TMEM94: variants seen among roughly 807,000 people sequenced by gnomAD.
TMEM94 encodes transmembrane protein 94.
A neutral mutation model predicts 158.6 loss-of-function variants in TMEM94; 81 were observed. The ratio of observed to expected loss-of-function variants is 0.51; its 90% CI spans 0.43 to 0.61. The LOEUF (loss-of-function observed/expected upper bound fraction) is 0.61, where lower values mean the gene tolerates loss of function less well. Ranked by LOEUF, TMEM94 falls within the 20% of genes least tolerant of loss-of-function variation. The pLI is 0.00. For synonymous variants in TMEM94, 751 were observed against 730.7 expected, an observed-to-expected ratio of 1.03 and a Z score of -0.45; for missense variants, 1,435 against 1,762.0, an observed-to-expected ratio of 0.81 and a Z score of 3.32.
intron 26 of TMEM94, 119 bp downstream of exon 26, chr17:75,497,317 A>C: frequency 1.4e-6 from 1 of 698,944 alleles, no homozygotes; most frequent in Non-Finnish European, 2.5e-6. Context: ...CCTCTGGTAC[A>C]GGAGGCATGG....
chr17:75,485,338 G>A lies in TMEM94; in HGVS notation c.25-90G>A. The A allele has an allele frequency of 1.4e-6, 2 of 1,469,964 alleles. No homozygotes were observed. Among genetic ancestry groups the A allele is most frequent in the Non-Finnish European group, 1.9e-6 (2 of 1,079,882 alleles). The allele number at this position is 1,469,964 out of a possible 1,614,324, so 91.1% of individuals were successfully genotyped here. On this transcript the variant is annotated intron_variant, in intron 2 of 31. Coordinates refer to ENST00000314256, the MANE Select transcript of TMEM94 (RefSeq NM_014738.6). This position sits in a 1 kb window ranked among gnomAD's most constrained non-coding sequence, Gnocchi z 5.5. Reference sequence around the variant, plus strand: ...GAGGATCCCAGAGGAGGGGAAGGATGAAGGGCCAGGGAAGGGGAGGGTTGG... The same window carrying A: ...GAGGATCCCAGAGGAGGGGAAGGATAAAGGGCCAGGGAAGGGGAGGGTTGG...
At position 75,498,619 on chromosome 17, in the gene TMEM94, C is replaced by T. The variant is rs959899644; in HGVS notation, c.3734-10C>T. ...GAAGTCTGACCCCCACATCGCCCCA[C>T]CTTCCCCAGTCTTCATTTCCATCAC... is the stretch of plus-strand genomic sequence containing the variant. On this transcript the variant is annotated splice_polypyrimidine_tract_variant and intron_variant, in intron 29 of 31. Coordinates refer to ENST00000314256, the MANE Select transcript of TMEM94 (RefSeq NM_014738.6). This position sits in a 1 kb window ranked among gnomAD's most constrained non-coding sequence, Gnocchi z 6.7. The T allele has an allele frequency of 1.2e-5, 20 of 1,611,938 alleles. No homozygotes were observed. Among genetic ancestry groups the T allele is most frequent in the Non-Finnish European group, 1.7e-5 (20 of 1,179,050 alleles).
chr17:75,474,976 G>T (rs2050625353), intron 2 of TMEM94, among the ~76,000 whole-genome samples: 1 of 152,144 alleles, frequency 6.6e-6, no homozygotes, highest in Admixed American at 6.6e-5. Flanking sequence ...CCCAGAGAGG[G>T]CTGTGCTGGG....
chr17:75,472,967 T>G (rs2050553710), intron 2 of TMEM94, among the ~76,000 whole-genome samples: 1 of 152,214 alleles, frequency 6.6e-6, no homozygotes, highest in South Asian at 2.1e-4. Flanking sequence ...GTACTCGCTA[T>G]TCTATTGAAA....
At chr17:75,488,216 C>A in intron 6 of TMEM94, 82 bp downstream of exon 6, 2 of 1,361,996 alleles carry the variant, frequency 1.5e-6, no homozygotes, top group Non-Finnish European at 2.1e-6. Context: ...AGACTTCATC[C>A]GGAAGCTTCC....
rs2051494248 is a variant in TMEM94, at chr17:75,485,259, G to A, written c.25-169G>A. ...GCACTTGAACAGTTTGTAATTTGGTGGAGATGGACATGGTCACACCTTGAG... is the reference window on the plus strand; with the variant it reads ...GCACTTGAACAGTTTGTAATTTGGTAGAGATGGACATGGTCACACCTTGAG... On this transcript the variant is annotated intron_variant, in intron 2 of 31. Coordinates refer to ENST00000314256, the MANE Select transcript of TMEM94 (RefSeq NM_014738.6). This position sits in a 1 kb window ranked among gnomAD's most constrained non-coding sequence, Gnocchi z 5.5. 3 of 648,378 alleles carry A rather than the reference G, an allele frequency of 4.6e-6. No individual in the cohort carries two copies. Among genetic ancestry groups the A allele is most frequent in the East Asian group, 2.7e-5 (1 of 36,636 alleles). The allele number at this position is 648,378 out of a possible 1,614,324, so 40.2% of individuals were successfully genotyped here.
intron 2 of TMEM94, among the ~76,000 whole-genome samples, chr17:75,475,887 C>T (rs931972003): frequency 6.6e-6 from 1 of 152,210 alleles, no homozygotes; most frequent in African/African-American, 2.4e-5. Context: ...GCTCTTCCCT[C>T]CCTACTGGAT....
At chr17:75,465,814 T>G (rs2050292539) in intron 1 of TMEM94, among the ~76,000 whole-genome samples, 2 of 151,732 alleles carry the variant, frequency 1.3e-5, no homozygotes, top group South Asian at 4.1e-4. Context: ...GCTAGGATTA[T>G]AGGCATGAAC....
Position 75,489,174 on chromosome 17 carries a change from A to C in TMEM94, c.765-92A>C, listed in dbSNP as rs745836580. 16 of 1,240,114 alleles carry C rather than the reference A, an allele frequency of 1.3e-5. No homozygotes were observed. The highest frequency in any genetic ancestry group is 1.9e-5 in the Non-Finnish European group (16 of 855,654). The allele number at this position is 1,240,114 out of a possible 1,614,324, so 76.8% of individuals were successfully genotyped here. A position where few individuals can be genotyped will look rare whatever the true frequency, so the allele number is the denominator to read the frequency against. On this transcript the variant is annotated intron_variant, in intron 7 of 31. Coordinates refer to ENST00000314256, the MANE Select transcript of TMEM94 (RefSeq NM_014738.6). The surrounding 1 kb of genome is among the most constrained non-coding windows in gnomAD (Gnocchi z 5.0). ...CTGCAGGACTCACGGTGCTTGAAGAAGCGGTATCTGGCAGAGAGGCCCAGA... is the reference window on the plus strand; with the variant it reads ...CTGCAGGACTCACGGTGCTTGAAGACGCGGTATCTGGCAGAGAGGCCCAGA...
At chr17:75,459,375 C>A (rs556699217) in intron 1 of TMEM94, among the ~76,000 whole-genome samples, 1 of 152,328 alleles carries the variant, frequency 6.6e-6, no homozygotes, top group African/African-American at 2.4e-5. Context: ...GACTTGACAT[C>A]AGATGAGACT....
In TMEM94 at chr17:75,500,140, T is replaced by C. The variant is rs967492456; in HGVS notation, c.*806T>C. On this transcript the variant is annotated 3_prime_UTR_variant, in exon 32 of 32. Coordinates refer to ENST00000314256, the MANE Select transcript of TMEM94 (RefSeq NM_014738.6). ...TCCAGGGTCTGCCCACCCCCGGCGG[T>C]GGCTGGCAAAGGGAGGCCTAAACCT... is the stretch of plus-strand genomic sequence containing the variant. The C allele has an allele frequency of 6.6e-5, 10 of 152,296 alleles. No homozygotes were observed. Among genetic ancestry groups the C allele is most frequent in the Non-Finnish European group, 1.3e-4 (9 of 68,078 alleles). The allele number at this position is 152,296 out of a possible 1,614,324, so 9.4% of individuals were successfully genotyped here. A position where few individuals can be genotyped will look rare whatever the true frequency, so the allele number is the denominator to read the frequency against.
chr17:75,461,550 A>G (rs1014863408), intron 1 of TMEM94, among the ~76,000 whole-genome samples: 2 of 152,082 alleles, frequency 1.3e-5, no homozygotes, highest in African/African-American at 2.4e-5. Flanking sequence ...CCTGCTCCCA[A>G]CCATTCCCTA....
At chr17:75,490,643 A>T in intron 10 of TMEM94, 59 bp from the exon 11 acceptor site, 1 of 1,484,334 alleles carries the variant, frequency 6.7e-7, no homozygotes, top group South Asian at 1.1e-5. Flanking sequence ...GCCAGCTTGG[A>T]GAGGCCTGTG....
chr17:75,467,682 G>A (rs1268569620), intron 1 of TMEM94, among the ~76,000 whole-genome samples: 4 of 151,034 alleles, frequency 2.6e-5, no homozygotes, highest in Admixed American at 6.6e-5. Flanking sequence ...ACAGGCGCCC[G>A]CCACCGCGCC....
At chr17:75,499,158 C>T (rs2053062052) in intron 31 of TMEM94, 76 bp downstream of exon 31, 1 of 1,586,644 alleles carries the variant, frequency 6.3e-7, no homozygotes, top group East Asian at 2.2e-5. Flanking sequence ...GCGACACTCC[C>T]CCACCTTTCC....
chr17:75,486,859 C>A (rs2051666534), intron 5 of TMEM94, among the ~76,000 whole-genome samples: 1 of 152,174 alleles, frequency 6.6e-6, no homozygotes, highest in South Asian at 2.1e-4. Context: ...AGCAGCCCAG[C>A]TCCAAAAGGG....
At chr17:75,486,575 A>G (rs1428655989) in intron 5 of TMEM94, 149 bp downstream of exon 5, 2 of 986,040 alleles carry the variant, frequency 2.0e-6, no homozygotes, top group African/African-American at 1.6e-5. Context: ...AAGGATGCCC[A>G]CTCTCTTTTG....
intron 16 of TMEM94, 97 bp downstream of exon 16, chr17:75,493,199 C>A: frequency 7.6e-7 from 1 of 1,315,618 alleles, no homozygotes; most frequent in Non-Finnish European, 1.0e-6. Flanking sequence ...GAGGCCTGGG[C>A]AGATGAAAAG....
chr17:75,493,838 A>G lies in TMEM94; in HGVS notation c.2329A>G (p.Ser777Gly). The change falls in exon 18 of 32, where the codon AGC becomes GGC. Residue 777 changes from serine (S) to glycine (G), a missense_variant. Coordinates refer to ENST00000314256, the MANE Select transcript of TMEM94 (RefSeq NM_014738.6). ...GCTGGTACAGGTGCCCGGCCAAAGC[A>G]GCATCTTCACCATGTGCGAGCTGCC... ...IELVQVPGQSSIFTMCELPST... is the reference protein window; with the variant it reads ...IELVQVPGQSGIFTMCELPST... 6.2e-7 allele frequency: 1 copy of G among 1,613,704 alleles called. No individual in the cohort carries two copies.
Sources: gnomAD v4.1 joint callset for allele counts (sites outside exome capture counted in the v4.1 genomes callset) on GRCh38, gnomAD v4.1.1 for gene constraint, Gnocchi (gnomAD v3.1) non-coding constraint, MANE v1.5 for transcripts, NCBI Gene and HGNC (gene_info 2026-07-23, HGNC 2026-07-21) for gene names.